Variants in AUTS2 observed in about 807,000 individuals in gnomAD.
AUTS2 encodes autism susceptibility gene 2 protein.
Under a neutral mutation model 112.4 loss-of-function variants are expected in AUTS2, and 17 were observed. The observed-to-expected ratio is 0.15, with a 90% confidence interval of 0.10 to 0.23. The LOEUF (loss-of-function observed/expected upper bound fraction) is 0.23. AUTS2 is among the 10% of genes least tolerant of loss of function. The pLI is 1.00. For synonymous variants in AUTS2, 751 were observed against 702.7 expected, an observed-to-expected ratio of 1.07 and a Z score of -1.09; for missense variants, 1,510 against 1,701.6, an observed-to-expected ratio of 0.89 and a Z score of 1.98.
At chr7:69,703,700 G>T (rs1447527961) in intron 1 of AUTS2, among the ~76,000 whole-genome samples, 1 of 152,132 alleles carries the variant, frequency 6.6e-6, no homozygotes, top group Non-Finnish European at 1.5e-5. Context: ...AGCTCCCAGG[G>T]AAGAGGAACT....
At chr7:70,050,676 T>C (rs1801710096) in intron 2 of AUTS2, among the ~76,000 whole-genome samples, 1 of 152,148 alleles carries the variant, frequency 6.6e-6, no homozygotes, top group Admixed American at 6.6e-5. Context: ...CTCCAGATTC[T>C]TTTTGCCATC....
intron 1 of AUTS2, among the ~76,000 whole-genome samples, chr7:69,719,150 T>C (rs1798780421): frequency 6.6e-6 from 1 of 152,216 alleles, no homozygotes; most frequent in African/African-American, 2.4e-5. Context: ...GGGAAAATAT[T>C]TCTCTTTGTG....
intron 1 of AUTS2, among the ~76,000 whole-genome samples, chr7:69,725,475 T>A (rs1488455263): frequency 1.3e-5 from 2 of 151,994 alleles, no homozygotes; most frequent in African/African-American, 4.8e-5. Context: ...ATGAAGGAAG[T>A]GACATGATGA....
chr7:70,556,369 T>C (rs1224610297), intron 5 of AUTS2, among the ~76,000 whole-genome samples: 1 of 152,164 alleles, frequency 6.6e-6, no homozygotes, highest in African/African-American at 2.4e-5. Flanking sequence ...ACCCAAACTA[T>C]ATCACTCATC....
chr7:69,628,737 A>G (rs1794080329), intron 1 of AUTS2, among the ~76,000 whole-genome samples: 1 of 152,156 alleles, frequency 6.6e-6, no homozygotes, highest in Non-Finnish European at 1.5e-5. Context: ...TTTCACGAGA[A>G]CAGCAGCAAA....
chr7:69,629,796 C>T (rs1002728908), intron 1 of AUTS2, among the ~76,000 whole-genome samples: 7 of 146,938 alleles, frequency 4.8e-5, no homozygotes, highest in African/African-American at 7.5e-5. Context: ...GCACATAGTT[C>T]GGAGTCTGGC....
chr7:70,077,854 A>G (rs1803109551), intron 2 of AUTS2, among the ~76,000 whole-genome samples: 1 of 152,156 alleles, frequency 6.6e-6, no homozygotes, highest in African/African-American at 2.4e-5. Context: ...TCCGTGCTAA[A>G]TTAAACTCCA....
At chr7:69,856,111 A>G (rs1792710289) in intron 1 of AUTS2, among the ~76,000 whole-genome samples, 3 of 152,148 alleles carry the variant, frequency 2.0e-5, no homozygotes, top group Admixed American at 1.3e-4. Context: ...GATTTTAGAT[A>G]ATTCACTATT....
intron 8 of AUTS2, among the ~76,000 whole-genome samples, 172 bp downstream of exon 8, chr7:70,765,177 C>A (rs1160117058): frequency 2.0e-5 from 3 of 152,152 alleles, no homozygotes; most frequent in Non-Finnish European, 4.4e-5. Context: ...AAATACCTGT[C>A]AGCACCCATA....
At chr7:70,134,737 A>G (rs1806460627) in intron 4 of AUTS2, among the ~76,000 whole-genome samples, 166 bp downstream of exon 4, 1 of 152,190 alleles carries the variant, frequency 6.6e-6, no homozygotes, top group South Asian at 2.1e-4. Flanking sequence ...TTTAGAAGAC[A>G]TAGCCTGCTG....
chr7:70,778,229 A>G (rs1487220673), intron 14 of AUTS2, among the ~76,000 whole-genome samples: 1 of 152,200 alleles, frequency 6.6e-6, no homozygotes, highest in Non-Finnish European at 1.5e-5. Flanking sequence ...ACAAGTCTGT[A>G]TTTTACAGTC....
chr7:70,780,421 G>GTTTT (rs367964386), intron 14 of AUTS2, among the ~76,000 whole-genome samples: 7 of 145,560 alleles, frequency 4.8e-5, no homozygotes, highest in African/African-American at 1.8e-4. Context: ...ACAAGAGTTT[G>GTTTT]TTTTTTTTTT....
intron 2 of AUTS2, among the ~76,000 whole-genome samples, chr7:69,972,574 T>A (rs1797890732): frequency 6.6e-6 from 1 of 152,096 alleles, no homozygotes. Flanking sequence ...CCTAAAAGCT[T>A]TATATTTCAT....
At chr7:69,943,816 C>A (rs1796712101) in intron 2 of AUTS2, among the ~76,000 whole-genome samples, 1 of 152,064 alleles carries the variant, frequency 6.6e-6, no homozygotes, top group South Asian at 2.1e-4. Flanking sequence ...GTAACATACA[C>A]CTAGAAAAAC....
At chr7:70,726,773 A>G (rs1448680153) in intron 6 of AUTS2, among the ~76,000 whole-genome samples, 1 of 152,230 alleles carries the variant, frequency 6.6e-6, no homozygotes, top group Non-Finnish European at 1.5e-5. Flanking sequence ...ACACAATAGC[A>G]TCTTCTGGAA....
chr7:70,255,660 A>T (rs12698883), intron 4 of AUTS2, among the ~76,000 whole-genome samples: 33,198 of 151,888 alleles, frequency 0.22, 3,602 homozygotes, highest in Middle Eastern at 0.33. Context: ...ATTGTAGAAT[A>T]TGACTTTTTT....
rs551419413 is a variant in AUTS2 at position 70,084,501 on chromosome 7, G to A, written c.523-33631G>A. Among the ~76,000 whole-genome samples the A allele has an allele frequency of 1.1e-4, 16 of 152,342 alleles. No homozygotes were observed. In the South Asian group the frequency reaches 2.3e-3, roughly 22 times the overall value. ...GTACCATTTTATATGCTCACCAGCA[G>A]TGTGTAAGAGTCCCATTGTTTCCAT... is the stretch of plus-strand genomic sequence containing the variant. On this transcript the variant is annotated intron_variant, in intron 2 of 18. Coordinates refer to ENST00000342771, the MANE Select transcript of AUTS2 (RefSeq NM_015570.4).
At chr7:70,060,281 A>G (rs1348859948) in intron 2 of AUTS2, among the ~76,000 whole-genome samples, 3 of 152,246 alleles carry the variant, frequency 2.0e-5, no homozygotes, top group Non-Finnish European at 4.4e-5. Context: ...AAAGAGAAGA[A>G]CATTGTATAA....
intron 2 of AUTS2, among the ~76,000 whole-genome samples, chr7:70,028,150 C>T (rs929969871): frequency 2.6e-5 from 4 of 152,190 alleles, no homozygotes; most frequent in Non-Finnish European, 5.9e-5. Context: ...TCCTTCCTGC[C>T]AACACAGCTG....
Sources: gnomAD v4.1 joint callset for allele counts (sites outside exome capture counted in the v4.1 genomes callset) on GRCh38, gnomAD v4.1.1 for gene constraint, MANE v1.5 for transcripts, NCBI Gene and HGNC (gene_info 2026-07-23, HGNC 2026-07-21) for gene names.